The following LIN28B variants were observed in gnomAD, a reference collection of about 807,000 sequenced individuals.
The protein encoded by LIN28B is lin-28 RNA binding posttranscriptional regulator B.
A neutral mutation model predicts 21.9 loss-of-function variants in LIN28B; 5 were observed. The ratio of observed to expected loss-of-function variants is 0.23; its 90% CI spans 0.12 to 0.48. LIN28B has a LOEUF of 0.48. LIN28B is among the 20% of genes least tolerant of loss of function. The probability of loss-of-function intolerance (pLI) is 0.98; values close to 1 mark genes in which losing one functional copy is unlikely to be tolerated. For missense variants in LIN28B, 245 were observed against 310.5 expected, an observed-to-expected ratio of 0.79 and a Z score of 1.58; for synonymous variants, 109 against 111.3, an observed-to-expected ratio of 0.98 and a Z score of 0.13.
At chr6:105,037,637 C>A (rs1013780391) in intron 3 of LIN28B, among the ~76,000 whole-genome samples, 1 of 151,868 alleles carries the variant, frequency 6.6e-6, no homozygotes, top group African/African-American at 2.4e-5. Flanking sequence ...CTCAGCCTCC[C>A]AAGCAGCTGG....
At chr6:105,057,641 G>C (rs1169635313) in intron 3 of LIN28B, among the ~76,000 whole-genome samples, 1 of 151,996 alleles carries the variant, frequency 6.6e-6, no homozygotes, top group Non-Finnish European at 1.5e-5. Context: ...ATTTATCATA[G>C]ACAAGTACAA....
intron 3 of LIN28B, among the ~76,000 whole-genome samples, chr6:105,073,380 T>C (rs1455040231): frequency 1.3e-5 from 2 of 152,172 alleles, no homozygotes; most frequent in Non-Finnish European, 2.9e-5. Flanking sequence ...TGCCTCCCAT[T>C]TGGAAACTTT....
intron 2 of LIN28B, among the ~76,000 whole-genome samples, chr6:104,986,053 GGGGGCC>G (rs973775651): frequency 3.3e-5 from 5 of 152,064 alleles, no homozygotes; most frequent in African/African-American, 1.2e-4. Flanking sequence ...GATTGGATAT[GGGGGCC>G]GATTTTCTAC....
intron 3 of LIN28B, among the ~76,000 whole-genome samples, chr6:105,051,313 C>T (rs1297771785): frequency 6.6e-6 from 1 of 151,132 alleles, no homozygotes; most frequent in Non-Finnish European, 1.5e-5. Context: ...GTGGCGTGCA[C>T]CTGTAATCCC....
chr6:105,003,676 C>G (rs1380352300), intron 2 of LIN28B, among the ~76,000 whole-genome samples: 1 of 151,976 alleles, frequency 6.6e-6, no homozygotes, highest in Non-Finnish European at 1.5e-5. Flanking sequence ...CCATGCCCAG[C>G]TAAGTTTTGT....
intron 3 of LIN28B, among the ~76,000 whole-genome samples, chr6:105,035,864 T>C (rs1372815614): frequency 6.6e-6 from 1 of 152,218 alleles, no homozygotes; most frequent in African/African-American, 2.4e-5. Flanking sequence ...CTATGAAATA[T>C]TTAATTTATC....
chr6:105,044,819 C>A (rs191299559), intron 3 of LIN28B, among the ~76,000 whole-genome samples: 1 of 152,252 alleles, frequency 6.6e-6, no homozygotes, highest in East Asian at 1.9e-4. Flanking sequence ...AGTGCACGTT[C>A]TACCCAATGG....
upstream of LIN28B, among the ~76,000 whole-genome samples, chr6:104,954,681 G>A (rs1410584294): frequency 3.9e-5 from 6 of 152,162 alleles, no homozygotes; most frequent in Admixed American, 6.5e-5. Flanking sequence ...AAATGAATGA[G>A]TCGATAACCT....
At chr6:105,046,479 A>G (rs1771766353) in intron 3 of LIN28B, among the ~76,000 whole-genome samples, 1 of 152,200 alleles carries the variant, frequency 6.6e-6, no homozygotes, top group African/African-American at 2.4e-5. Flanking sequence ...GTAAACATAC[A>G]TATGCATGTG....
chr6:105,032,511 G>A (rs1771444789), intron 3 of LIN28B, among the ~76,000 whole-genome samples: 1 of 152,016 alleles, frequency 6.6e-6, no homozygotes, highest in Admixed American at 6.6e-5. Flanking sequence ...AATTGCTTGA[G>A]CCCAGAAGTT....
intron 2 of LIN28B, among the ~76,000 whole-genome samples, chr6:105,022,603 T>TA (rs1771162362): frequency 6.6e-6 from 1 of 152,114 alleles, no homozygotes; most frequent in African/African-American, 2.4e-5. Context: ...TTGGAGGTCT[T>TA]ACTGACTCAG....
chr6:105,056,724 G>C (rs1772030616), intron 3 of LIN28B, among the ~76,000 whole-genome samples: 1 of 152,172 alleles, frequency 6.6e-6, no homozygotes, highest in Non-Finnish European at 1.5e-5. Flanking sequence ...GATTTGCACA[G>C]ATCTCTTCTC....
rs190614861 is a variant in LIN28B at position 105,042,092 on chromosome 6, A to G, written c.383+15610A>G. ...TAATCTGATTCGCTAGACATGAATC[A>G]TTTGCCCACTCTGTGCTGGGGAGTC... On this transcript the variant is annotated intron_variant, in intron 3 of 3. Transcript: ENST00000345080. Among the ~76,000 whole-genome samples, 3 of 152,270 alleles carry G rather than the reference A, an allele frequency of 2.0e-5. No individual in the cohort carries two copies. In the East Asian group the frequency reaches 5.8e-4, roughly 29 times the overall value.
rs1772509099 is a variant in LIN28B at position 105,079,914 on chromosome 6, A to G, written c.*1131A>G. The G allele has an allele frequency of 6.6e-6, 1 of 152,178 alleles. No homozygotes were observed. Among genetic ancestry groups the G allele is most frequent in the Non-Finnish European group, 1.5e-5 (1 of 68,028 alleles). The allele number at this position is 152,178 out of a possible 1,614,324, so 9.4% of individuals were successfully genotyped here. On this transcript the variant is annotated 3_prime_UTR_variant, in exon 4 of 4. Transcript: ENST00000345080. ...TTAAGTGGATGTTCACAGTTGCCCA[A>G]TATATATGACCTGCAAATGATACGA...
chr6:104,941,611 C>G (rs573768634), intron 2 of LIN28B, among the ~76,000 whole-genome samples: 1 of 151,840 alleles, frequency 6.6e-6, no homozygotes, highest in African/African-American at 2.4e-5. Context: ...CTTTCGCGCT[C>G]CGCAAGCCGA....
chr6:105,077,342 G>A (rs769794317), intron 3 of LIN28B, among the ~76,000 whole-genome samples: 5 of 152,158 alleles, frequency 3.3e-5, no homozygotes, highest in Non-Finnish European at 7.4e-5. Flanking sequence ...TTGGAGACAA[G>A]TCATTAAACA....
chr6:105,010,560 A>C (rs1178834661), intron 2 of LIN28B, among the ~76,000 whole-genome samples: 1 of 152,164 alleles, frequency 6.6e-6, no homozygotes, highest in Non-Finnish European at 1.5e-5. Flanking sequence ...TAGTTTGTGC[A>C]ATTATCGTTT....
rs113402178 is a variant in LIN28B, at chr6:105,051,129, A to G, written c.383+24647A>G. The stretch of plus-strand genomic sequence containing the variant: ...AAATATATCTAAAAGAAAAAAATGT[A>G]GTTAATAATGAGTAAAAGAAAAAGC... On this transcript the variant is annotated intron_variant, in intron 3 of 3. Coordinates refer to ENST00000345080, the MANE Select transcript of LIN28B (RefSeq NM_001004317.4). Among the ~76,000 whole-genome samples the G allele has an allele frequency of 1.3e-3, 195 of 150,996 alleles. 9 individuals carry two copies. The highest frequency in any genetic ancestry group is 4.6e-3 in the African/African-American group (189 of 40,882).
At chr6:104,981,088 CT>C in intron 2 of LIN28B, among the ~76,000 whole-genome samples, 1 of 152,278 alleles carries the variant, frequency 6.6e-6, no homozygotes, top group Middle Eastern at 3.4e-3. Context: ...CAGGACATAG[CT>C]TTTCACATTA....
Sources: allele counts gnomAD v4.1 joint callset (sites outside exome capture counted in the v4.1 genomes callset), GRCh38; gene constraint gnomAD v4.1.1; transcripts MANE v1.5; gene names NCBI Gene and HGNC (gene_info 2026-07-23, HGNC 2026-07-21).